The following KANSL1 variants were observed in gnomAD, a reference collection of about 807,000 sequenced individuals.
KANSL1 encodes MLL1/MLL complex subunit KANSL1.
Under a neutral mutation model 103.6 loss-of-function variants are expected in KANSL1, and 22 were observed. That is an observed-to-expected ratio of 0.21 (90% confidence interval 0.15 to 0.30). The LOEUF (loss-of-function observed/expected upper bound fraction) is 0.30. Ranked by LOEUF, KANSL1 falls within the 10% of genes least tolerant of loss-of-function variation. KANSL1 has a pLI of 1.00. For synonymous variants in KANSL1, 600 were observed against 527.6 expected (o/e 1.14, Z -1.88); for missense variants, 1,337 against 1,399.8 (o/e 0.96, Z 0.72).
At chr17:46,215,201 A>T (rs1008429623) in intron 1 of KANSL1, 1 of 152,386 alleles carries the variant, frequency 6.6e-6, no homozygotes, top group Non-Finnish European at 1.5e-5. Flanking sequence ...AGGGGGAGTA[A>T]GTTTCCAGAA....
intron 3 of KANSL1, chr17:46,092,791 T>G (rs2079461200): frequency 6.6e-6 from 1 of 151,092 alleles, no homozygotes; most frequent in African/African-American, 2.4e-5. Context: ...TACACAGTAT[T>G]TCATCAATTC....
intron 1 of KANSL1, among the ~76,000 whole-genome samples, chr17:46,179,801 A>T (rs1397251961): frequency 6.6e-6 from 1 of 152,182 alleles, no homozygotes; most frequent in East Asian, 1.9e-4. Context: ...GGGCGCAGTG[A>T]CTCATGCCTA....
intron 6 of KANSL1, among the ~76,000 whole-genome samples, chr17:46,061,989 G>A (rs2078175207): frequency 6.6e-6 from 1 of 151,198 alleles, no homozygotes; most frequent in Non-Finnish European, 1.5e-5. Flanking sequence ...CTACTCAGGA[G>A]GCTGAGGCAG....
At chr17:46,198,716 A>G (rs958195442), upstream of KANSL1, among the ~76,000 whole-genome samples, 13 of 152,352 alleles carry the variant, frequency 8.5e-5, no homozygotes, top group Middle Eastern at 6.8e-3. Flanking sequence ...TGAGTGACAG[A>G]GCGGGACTCT....
intron 4 of KANSL1, among the ~76,000 whole-genome samples, chr17:46,072,302 T>C (rs61351905): frequency 0.026 from 3,926 of 152,210 alleles, 173 homozygotes; most frequent in African/African-American, 0.09. Flanking sequence ...CCTGCAAATA[T>C]GTATTTTTAC....
At chr17:46,062,874 AC>A (rs2078229547) in intron 6 of KANSL1, among the ~76,000 whole-genome samples, 2 of 151,202 alleles carry the variant, frequency 1.3e-5, no homozygotes, top group African/African-American at 2.4e-5. Context: ...ACACGGTGAA[AC>A]CTCATCTCTA....
At chr17:46,189,392 T>C (rs1350430449) in intron 1 of KANSL1, among the ~76,000 whole-genome samples, 1 of 152,158 alleles carries the variant, frequency 6.6e-6, no homozygotes, top group Non-Finnish European at 1.5e-5. Flanking sequence ...AATAAAACTA[T>C]ATACATCTAT....
intron 2 of KANSL1, chr17:46,121,211 A>G (rs2147188222): frequency 6.6e-6 from 1 of 151,890 alleles, no homozygotes; most frequent in Admixed American, 6.6e-5. Flanking sequence ...CCACAAACTA[A>G]TCAGATCATG....
At chr17:46,146,608 C>CG (rs1169788319) in intron 2 of KANSL1, among the ~76,000 whole-genome samples, 1 of 112,500 alleles carries the variant, frequency 8.9e-6, no homozygotes, top group Non-Finnish European at 2.4e-5. Flanking sequence ...CCGAAGCCGG[C>CG]GGATCACGAG....
chr17:46,208,852 CAA>C (rs35006267), intron 1 of KANSL1, among the ~76,000 whole-genome samples: 17 of 101,986 alleles, frequency 1.7e-4, no homozygotes, highest in Admixed American at 4.0e-4. Flanking sequence ...GACTCCGTCT[CAA>C]AAAAAAAAAA....
At chr17:46,077,674 C>A (rs1346000649) in intron 4 of KANSL1, among the ~76,000 whole-genome samples, 1 of 152,182 alleles carries the variant, frequency 6.6e-6, no homozygotes, top group Non-Finnish European at 1.5e-5. Flanking sequence ...TCTCCTGCTT[C>A]AGCCTCCCGA....
At chr17:46,161,552 T>G (rs143883750) in intron 2 of KANSL1, among the ~76,000 whole-genome samples, 1 of 152,212 alleles carries the variant, frequency 6.6e-6, no homozygotes, top group African/African-American at 2.4e-5. Context: ...CCACCCTGTT[T>G]CTTCCCAGGA....
intron 1 of KANSL1, among the ~76,000 whole-genome samples, chr17:46,191,346 A>C (rs1350980367): frequency 3.3e-5 from 5 of 152,262 alleles, no homozygotes; most frequent in Non-Finnish European, 5.9e-5. Context: ...CAACGCCTGT[A>C]GACAATTGAA....
intron 2 of KANSL1, among the ~76,000 whole-genome samples, chr17:46,115,556 G>C (rs1006411026): frequency 1.3e-5 from 2 of 152,006 alleles, no homozygotes; most frequent in African/African-American, 4.8e-5. Context: ...GATAACTTTA[G>C]ATATGTATTA....
intron 2 of KANSL1, among the ~76,000 whole-genome samples, chr17:46,099,118 T>C (rs1054063492): frequency 8.6e-6 from 1 of 115,696 alleles, no homozygotes; most frequent in Admixed American, 9.4e-5. Context: ...GGTCAGGAGA[T>C]CGAGACCATC....
intron 2 of KANSL1, among the ~76,000 whole-genome samples, chr17:46,133,442 G>A (rs1487757261): frequency 6.6e-6 from 1 of 152,166 alleles, no homozygotes; most frequent in East Asian, 1.9e-4. Flanking sequence ...AGGAAAAAAT[G>A]ACAACATACT....
chr17:46,219,755 CAT>C (rs1210356591), intron 1 of KANSL1, among the ~76,000 whole-genome samples: 1 of 152,260 alleles, frequency 6.6e-6, no homozygotes, highest in Non-Finnish European at 1.5e-5. Context: ...CAAGAGAACA[CAT>C]GTCCTAGATT....
rs181181647 is a variant in KANSL1 at position 46,207,984 on chromosome 17, G to A, written c.-90+15687C>T. Among the ~76,000 whole-genome samples, 213 of 152,172 alleles carry A rather than the reference G, an allele frequency of 1.4e-3. 1 individual carries two copies. Among genetic ancestry groups the A allele is most frequent in the African/African-American group, 5.0e-3 (208 of 41,510 alleles). On this transcript the variant is annotated intron_variant, in intron 1 of 14. Transcript: ENST00000572904. ...AAATTAGCCAGGTGTGATGGTAGGC[G>A]CCTGTAATACCAGCTACTGGGGAAG...
chr17:46,052,765 A>C (rs1271915449), intron 6 of KANSL1, among the ~76,000 whole-genome samples: 5 of 146,258 alleles, frequency 3.4e-5, no homozygotes, highest in African/African-American at 1.3e-4. Context: ...ACACAGTAAG[A>C]CTCCATCTCT....
Sources: gnomAD v4.1 joint callset for allele counts (sites outside exome capture counted in the v4.1 genomes callset) on GRCh38, gnomAD v4.1.1 for gene constraint, MANE v1.5 for transcripts, NCBI Gene and HGNC (gene_info 2026-07-23, HGNC 2026-07-21) for gene names.